The following LGR4 variants were observed in gnomAD, a reference collection of about 807,000 sequenced individuals.
The protein encoded by LGR4 is leucine rich repeat containing G protein-coupled receptor 4.
In LGR4, 44 loss-of-function variants were observed where a neutral mutation model predicts 84.8. That is an observed-to-expected ratio of 0.52 (90% CI 0.41 to 0.67). LGR4 has a LOEUF of 0.67. LGR4 is among the 30% of genes least tolerant of loss of function. LGR4 has a pLI of 0.00. For synonymous variants in LGR4, 429 were observed against 434.3 expected (o/e 0.99, Z 0.15); for missense variants, 1,032 against 1,131.4 (o/e 0.91, Z 1.26).
intron 1 of LGR4, among the ~76,000 whole-genome samples, chr11:27,438,870 G>A (rs185551031): frequency 4.1e-4 from 63 of 152,158 alleles, no homozygotes; most frequent in African/African-American, 1.5e-3. Flanking sequence ...TTCAGTCGTG[G>A]ACTGGAACTA....
In LGR4 at chr11:27,446,144, T is replaced by C. The variant is rs113227099; in HGVS notation, c.185+25974A>G. On this transcript the variant is annotated intron_variant, in intron 1 of 17. Coordinates refer to ENST00000379214, the MANE Select transcript of LGR4 (RefSeq NM_018490.5). ...AAAATGGGGTTGTTTGATTTTTTCT[T>C]GTAAATTTGTTTAAGTTCTTTGCAG... 3.3e-3 allele frequency among the ~76,000 whole-genome samples: 509 copies of C among 152,272 alleles called. 4 individuals carry two copies. The highest frequency in any genetic ancestry group is 6.8e-3 in the Middle Eastern group (2 of 294).
intron 1 of LGR4, among the ~76,000 whole-genome samples, chr11:27,452,767 GTGCCCGCCA>G (rs962025812): frequency 6.6e-6 from 1 of 150,494 alleles, no homozygotes; most frequent in Non-Finnish European, 1.5e-5. Flanking sequence ...GGGACTACAG[GTGCCCGCCA>G]CCACGTCCGG....
chr11:27,412,171 G>A (rs1863723829), intron 2 of LGR4, among the ~76,000 whole-genome samples: 1 of 152,134 alleles, frequency 6.6e-6, no homozygotes. Context: ...CAACAAAAAG[G>A]AGGTTGAAAC....
chr11:27,424,655 A>T (rs1863986722), intron 1 of LGR4, among the ~76,000 whole-genome samples: 1 of 152,210 alleles, frequency 6.6e-6, no homozygotes, highest in Non-Finnish European at 1.5e-5. Flanking sequence ...TCACAGAGGG[A>T]GCCCATGACA....
intron 1 of LGR4, among the ~76,000 whole-genome samples, chr11:27,434,379 C>T (rs1864170882): frequency 6.6e-6 from 1 of 152,186 alleles, no homozygotes; most frequent in Non-Finnish European, 1.5e-5. Flanking sequence ...AAGAAAGGAA[C>T]TAATAATTCC....
At chr11:27,471,993 C>T in intron 1 of LGR4, 125 bp downstream of exon 1, 3 of 625,892 alleles carry the variant, frequency 4.8e-6, no homozygotes, top group Non-Finnish European at 6.8e-6. Context: ...CGGCGGACCC[C>T]CTCCCCAGGC....
chr11:27,426,450 T>C (rs1393763078), intron 1 of LGR4, among the ~76,000 whole-genome samples: 1 of 152,174 alleles, frequency 6.6e-6, no homozygotes, highest in Non-Finnish European at 1.5e-5. Context: ...ATAAATAGTA[T>C]CTCACAGAAC....
At chr11:27,388,173 G>A (rs1454695086) in intron 4 of LGR4, among the ~76,000 whole-genome samples, 1 of 152,158 alleles carries the variant, frequency 6.6e-6, no homozygotes, top group African/African-American at 2.4e-5. Context: ...GAGGTTAAAT[G>A]AGAAAAACGA....
chr11:27,385,788 T>C (rs889334565), intron 4 of LGR4, among the ~76,000 whole-genome samples: 2 of 145,602 alleles, frequency 1.4e-5, no homozygotes, highest in Non-Finnish European at 3.0e-5. Context: ...ATTGAAATTA[T>C]GTTTTAGAGC....
chr11:27,445,375 C>T (rs1391654501), intron 1 of LGR4, among the ~76,000 whole-genome samples: 1 of 152,056 alleles, frequency 6.6e-6, no homozygotes, highest in Non-Finnish European at 1.5e-5. Context: ...TTGACTAACG[C>T]TTATTTAAAC....
At chr11:27,382,466 C>T (rs972647174) in intron 6 of LGR4, among the ~76,000 whole-genome samples, 6 of 152,072 alleles carry the variant, frequency 3.9e-5, no homozygotes, top group African/African-American at 1.4e-4. Flanking sequence ...CATTCTTCTT[C>T]CATGATGTTT....
chr11:27,367,677 C>T lies in LGR4; in HGVS notation c.*190G>A. 2.0e-6 allele frequency: 1 copy of T among 508,736 alleles called. No individual in the cohort carries two copies. 31.5% of individuals were successfully genotyped at this position (508,736 alleles called of 1,614,324 possible). A position where few individuals can be genotyped will look rare whatever the true frequency, so the allele number is the denominator to read the frequency against. ...TACATTGCTTGGACATTGCATTTTT[C>T]ACCAATTTATAATTTAGGCACCTGT... On this transcript the variant is annotated 3_prime_UTR_variant, in exon 18 of 18. Transcript: ENST00000379214.
At chr11:27,436,736 TGGACCACTCACTCACCACA>T (rs1864218266) in intron 1 of LGR4, among the ~76,000 whole-genome samples, 1 of 152,216 alleles carries the variant, frequency 6.6e-6, no homozygotes, top group African/African-American at 2.4e-5. Context: ...AAATAGCTAT[TGGACCACTCACTCACCACA>T]GGTGTTAATA....
At chr11:27,458,692 C>T (rs779439077) in intron 1 of LGR4, among the ~76,000 whole-genome samples, 1 of 152,100 alleles carries the variant, frequency 6.6e-6, no homozygotes, top group Non-Finnish European at 1.5e-5. Flanking sequence ...CCACCCACCA[C>T]CATGCCCAGC....
At chr11:27,385,629 C>T (rs962074301) in intron 4 of LGR4, 161 bp from the exon 5 acceptor site, 2 of 542,146 alleles carry the variant, frequency 3.7e-6, no homozygotes, top group African/African-American at 1.9e-5. Flanking sequence ...TTTTCATGAT[C>T]TGTATAGTGT....
chr11:27,421,244 T>C (rs1328190928), intron 1 of LGR4, among the ~76,000 whole-genome samples: 1 of 152,172 alleles, frequency 6.6e-6, no homozygotes, highest in Non-Finnish European at 1.5e-5. Flanking sequence ...TGATTACTCC[T>C]ACTTTGACAT....
chr11:27,384,521 C>T (rs1863152335), intron 5 of LGR4, 114 bp from the exon 6 acceptor site: 1 of 695,456 alleles, frequency 1.4e-6, no homozygotes, highest in Non-Finnish European at 2.5e-6. Context: ...AACATATCAA[C>T]AGCTAAACAG....
chr11:27,395,199 C>G (rs1196163527), intron 2 of LGR4, among the ~76,000 whole-genome samples: 1 of 152,052 alleles, frequency 6.6e-6, no homozygotes, highest in Admixed American at 6.5e-5. Flanking sequence ...ACTGCTCTTC[C>G]AAGTGTTAAA....
In LGR4 at chr11:27,418,412, G is replaced by A. The variant is rs79521330; in HGVS notation, c.186-5552C>T. On this transcript the variant is annotated intron_variant, in intron 1 of 17. Transcript: ENST00000379214. ...TAGAATCCAACCAAGTGTCACAATA[G>A]ACACCCTTCTAATGTCTGTGTTCCA... Among the ~76,000 whole-genome samples, 2,479 of 152,232 alleles carry A rather than the reference G, an allele frequency of 0.016. 130 individuals carry two copies. The East Asian group carries it at 0.21, about 13-fold the overall frequency.
Sources: allele counts gnomAD v4.1 joint callset (sites outside exome capture counted in the v4.1 genomes callset), GRCh38; gene constraint gnomAD v4.1.1; transcripts MANE v1.5; gene names NCBI Gene and HGNC (gene_info 2026-07-23, HGNC 2026-07-21).